The following GRIA2 variants were observed in gnomAD, a reference collection of about 807,000 sequenced individuals.
GRIA2 encodes glutamate receptor 2.
In GRIA2, 14 loss-of-function variants were observed where a neutral mutation model predicts 97.3. The observed-to-expected ratio is 0.14, with a 90% confidence interval of 0.10 to 0.23. The LOEUF (loss-of-function observed/expected upper bound fraction) is 0.23, where lower values mean the gene tolerates loss of function less well. GRIA2 is among the 10% of genes least tolerant of loss of function. The pLI is 1.00. For missense variants in GRIA2, 558 were observed against 1,069.8 expected (o/e 0.52, Z 6.67); for synonymous variants, 412 against 387.8 (o/e 1.06, Z -0.73).
intron 12 of GRIA2, among the ~76,000 whole-genome samples, chr4:157,355,888 T>C (rs1185584489): frequency 9.7e-5 from 2 of 20,618 alleles, no homozygotes; most frequent in African/African-American, 5.2e-4. Flanking sequence ...TATATATTAA[T>C]ATATTTATAT....
At chr4:157,307,349 G>A (rs553262370) in intron 3 of GRIA2, among the ~76,000 whole-genome samples, 40 of 152,286 alleles carry the variant, frequency 2.6e-4, no homozygotes, top group African/African-American at 8.2e-4. Flanking sequence ...ATGGATGCAT[G>A]GATAGAAACA....
intron 6 of GRIA2, among the ~76,000 whole-genome samples, chr4:157,330,166 T>C (rs1228014512): frequency 6.6e-6 from 1 of 151,894 alleles, no homozygotes; most frequent in Non-Finnish European, 1.5e-5. Flanking sequence ...GCTCTCCTTA[T>C]TTTACTAAAC....
intron 4 of GRIA2, among the ~76,000 whole-genome samples, chr4:157,317,002 T>C (rs1302367026): frequency 6.6e-6 from 1 of 152,202 alleles, no homozygotes; most frequent in African/African-American, 2.4e-5. Flanking sequence ...GTGTTTATCT[T>C]GACATTCATT....
intron 2 of GRIA2, among the ~76,000 whole-genome samples, chr4:157,288,299 A>T (rs188881974): frequency 6.6e-6 from 1 of 151,680 alleles, no homozygotes; most frequent in African/African-American, 2.4e-5. Flanking sequence ...AGCCAAAACC[A>T]AAACCAGTTT....
At chr4:157,220,665 TGTGTGTGTGC>T, upstream of GRIA2, 1 of 254,422 alleles carries the variant, frequency 3.9e-6, no homozygotes, top group Non-Finnish European at 7.6e-6. Context: ...TGTGTGTGTG[TGTGTGTGTGC>T]GCGCGCGCGT....
rs112963871 is a variant in GRIA2, at chr4:157,331,147, G to A, written c.883-1672G>A. ...TGACTTTTAATTTAAAATGGTAATA[G>A]GCTTAAGACTTGATTAGTTTTGAGC... On this transcript the variant is annotated intron_variant, in intron 6 of 15. Coordinates refer to ENST00000264426, the MANE Select transcript of GRIA2 (RefSeq NM_001083619.3). Among the ~76,000 whole-genome samples the A allele has an allele frequency of 4.2e-3, 635 of 152,026 alleles. 1 individual carries two copies. Among genetic ancestry groups the A allele is most frequent in the Non-Finnish European group, 6.6e-3 (446 of 67,918 alleles).
intron 2 of GRIA2, among the ~76,000 whole-genome samples, chr4:157,258,308 C>T (rs956711308): frequency 6.6e-6 from 1 of 151,976 alleles, no homozygotes; most frequent in Admixed American, 6.6e-5. Flanking sequence ...CAAGAAACAT[C>T]CCTGAGAAAG....
rs1425294908 is a variant in GRIA2 at position 157,248,602 on chromosome 4, T to TAC, written c.229+26795_229+26796insAC. Among the ~76,000 whole-genome samples the TAC allele has an allele frequency of 2.0e-3, 258 of 126,850 alleles. 2 individuals are homozygous for TAC. The highest frequency in any genetic ancestry group is 5.1e-3 in the African/African-American group (161 of 31,798). 83.2% of individuals were successfully genotyped at this position (126,850 alleles called of 152,430 possible). On this transcript the variant is annotated intron_variant, in intron 2 of 15. Transcript: ENST00000264426. ...ATATACGTGTATATATGTATATATA[T>TAC]GTATATATACATGTATATATACGTA...
rs1416371807 is a variant in GRIA2, at chr4:157,361,731, A to C, written c.2406+607A>C. ...ATCAAACCACAAGTGTGTTAGTGGG[A>C]ATGACCCATCTTAAATAGAATGTAA... On this transcript the variant is annotated intron_variant, in intron 14 of 15. Transcript: ENST00000264426. The surrounding 1 kb of genome is among the most constrained non-coding windows in gnomAD (Gnocchi z 5.2). The C allele has an allele frequency of 1.1e-6, 1 of 947,614 alleles. No individual in the cohort carries two copies. The highest frequency in any genetic ancestry group is 1.7e-6 in the Non-Finnish European group (1 of 588,816). 58.7% of individuals were successfully genotyped at this position (947,614 alleles called of 1,614,324 possible).
At chr4:157,237,346 G>A (rs1003635900) in intron 2 of GRIA2, among the ~76,000 whole-genome samples, 5 of 150,302 alleles carry the variant, frequency 3.3e-5, no homozygotes, top group Admixed American at 6.6e-5. Flanking sequence ...CCAGGCTGGA[G>A]TGCAGTGGCA....
intron 4 of GRIA2, among the ~76,000 whole-genome samples, chr4:157,314,745 C>T (rs1348230057): frequency 6.6e-6 from 1 of 152,082 alleles, no homozygotes; most frequent in East Asian, 1.9e-4. Context: ...CATAAACGTC[C>T]ATATGGACAT....
At position 157,231,526 on chromosome 4, in the gene GRIA2, T is replaced by C. The variant is rs2126694134; in HGVS notation, c.229+9719T>C. Among the ~76,000 whole-genome samples the C allele has an allele frequency of 1.3e-5, 2 of 152,268 alleles. 1 individual carries two copies. Among genetic ancestry groups the C allele is most frequent in the South Asian group, 4.1e-4 (2 of 4,828 alleles). On this transcript the variant is annotated intron_variant, in intron 2 of 15. Coordinates refer to ENST00000264426, the MANE Select transcript of GRIA2 (RefSeq NM_001083619.3). ...AAAACACAAATTTAAGGTGCTTTAT[T>C]ATTCTGGGCTGGCAAAAAAGCCATC...
intron 2 of GRIA2, among the ~76,000 whole-genome samples, chr4:157,282,970 A>G (rs1425730000): frequency 6.6e-6 from 1 of 152,064 alleles, no homozygotes; most frequent in Non-Finnish European, 1.5e-5. Flanking sequence ...TACAACCTCA[A>G]ATATATGTCA....
intron 2 of GRIA2, among the ~76,000 whole-genome samples, chr4:157,227,023 C>A (rs577378616): frequency 1.3e-5 from 2 of 151,884 alleles, no homozygotes; most frequent in Non-Finnish European, 2.9e-5. Flanking sequence ...AAAATGAGTG[C>A]GTATTAAGTA....
At chr4:157,322,258 T>C (rs1560765399) in intron 6 of GRIA2, among the ~76,000 whole-genome samples, 1 of 147,828 alleles carries the variant, frequency 6.8e-6, no homozygotes, top group Non-Finnish European at 1.5e-5. Context: ...TGTGTGTGTG[T>C]GTGTGTGTGT....
At chr4:157,328,779 G>A (rs2126922970) in intron 6 of GRIA2, among the ~76,000 whole-genome samples, 1 of 151,872 alleles carries the variant, frequency 6.6e-6, no homozygotes, top group East Asian at 1.9e-4. Context: ...GGGTAATTTA[G>A]GCAAAAATAT....
At chr4:157,356,812 G>T (rs577531436) in intron 12 of GRIA2, among the ~76,000 whole-genome samples, 1 of 151,952 alleles carries the variant, frequency 6.6e-6, no homozygotes, top group Admixed American at 6.6e-5. Context: ...TGGATCCGAT[G>T]ATTGTAGTGT....
intron 2 of GRIA2, among the ~76,000 whole-genome samples, chr4:157,255,212 C>T (rs1054838325): frequency 6.6e-6 from 1 of 151,874 alleles, no homozygotes; most frequent in Non-Finnish European, 1.5e-5. Flanking sequence ...TAATGGCCTG[C>T]AGGTCCATCC....
chr4:157,353,879 T>A (rs1189706822), intron 12 of GRIA2, among the ~76,000 whole-genome samples: 1 of 152,124 alleles, frequency 6.6e-6, no homozygotes, highest in Non-Finnish European at 1.5e-5. Flanking sequence ...AAAATTTTCA[T>A]GAAAAATCAA....
Sources: allele counts gnomAD v4.1 joint callset (sites outside exome capture counted in the v4.1 genomes callset), GRCh38; gene constraint gnomAD v4.1.1; non-coding constraint Gnocchi (gnomAD v3.1); transcripts MANE v1.5; gene names NCBI Gene and HGNC (gene_info 2026-07-23, HGNC 2026-07-21).